Variants in MB21D2 observed in about 807,000 individuals in gnomAD.
MB21D2 encodes the protein nucleotidyltransferase MB21D2.
In MB21D2, 9 loss-of-function variants were observed where a neutral mutation model predicts 33.3. The ratio of observed to expected loss-of-function variants is 0.27; its 90% confidence interval spans 0.16 to 0.47. The LOEUF (loss-of-function observed/expected upper bound fraction) is 0.47, where lower values mean the gene tolerates loss of function less well. Among genes scored for constraint, MB21D2 ranks in the 20% least tolerant of loss-of-function variants. MB21D2 has a pLI of 0.99. For synonymous variants in MB21D2, 241 were observed against 236.3 expected (o/e 1.02, Z -0.18); for missense variants, 540 against 624.6 (o/e 0.86, Z 1.44).
intron 1 of MB21D2, among the ~76,000 whole-genome samples, chr3:192,905,732 C>G (rs1714203100): frequency 6.6e-6 from 1 of 150,592 alleles, no homozygotes; most frequent in Non-Finnish European, 1.5e-5. Context: ...ACTCAGGAGT[C>G]TGAGGTGGGA....
chr3:192,804,789 A>G (rs1193786382), intron 1 of MB21D2, among the ~76,000 whole-genome samples: 1 of 152,134 alleles, frequency 6.6e-6, no homozygotes. Flanking sequence ...TAAACAATAT[A>G]AAACCTTCCT....
At chr3:192,864,591 C>T (rs13100333) in intron 1 of MB21D2, among the ~76,000 whole-genome samples, 2,608 of 152,266 alleles carry the variant, frequency 0.017, 68 homozygotes, top group South Asian at 0.11. Context: ...ACTGCAACCT[C>T]GGCCTCCTGG....
At chr3:192,847,859 T>C (rs563450542) in intron 1 of MB21D2, among the ~76,000 whole-genome samples, 2 of 152,114 alleles carry the variant, frequency 1.3e-5, no homozygotes, top group Non-Finnish European at 1.5e-5. Flanking sequence ...AAAAATATCC[T>C]AGATGAGAAG....
At chr3:192,891,860 GAAAA>G (rs1267148494) in intron 1 of MB21D2, among the ~76,000 whole-genome samples, 2 of 152,014 alleles carry the variant, frequency 1.3e-5, no homozygotes, top group African/African-American at 4.8e-5. Flanking sequence ...CATGAGAAAA[GAAAA>G]ACTCTAAAAG....
rs763751955 is a variant in MB21D2 at position 192,917,610 on chromosome 3, T to TC, written c.211+19dup. On this transcript the variant is annotated intron_variant, in intron 1 of 1. Transcript: ENST00000392452. ...TCACACACACACACGCACACACACCTCCCCCTTTTTCCTCCTTACCCAGCA... is the reference window on the plus strand; with the variant it reads ...TCACACACACACACGCACACACACCTCCCCCCTTTTTCCTCCTTACCCAGCA... The TC allele has an allele frequency of 1.3e-5, 21 of 1,611,510 alleles. No individual in the cohort carries two copies. The East Asian group carries it at 4.5e-4, about 34-fold the overall frequency.
chr3:192,889,165 C>T (rs59046529), intron 1 of MB21D2, among the ~76,000 whole-genome samples: 14,795 of 152,132 alleles, frequency 0.097, 899 homozygotes, highest in East Asian at 0.16. Context: ...CACAAATATA[C>T]AGTTAGTTCA....
At chr3:192,908,831 G>A (rs899802986) in intron 1 of MB21D2, among the ~76,000 whole-genome samples, 1 of 152,100 alleles carries the variant, frequency 6.6e-6, no homozygotes, top group African/African-American at 2.4e-5. Context: ...TGTAGAACCT[G>A]GGACATTTAA....
At chr3:192,801,570 A>G (rs1243314728) in intron 1 of MB21D2, among the ~76,000 whole-genome samples, 1 of 152,108 alleles carries the variant, frequency 6.6e-6, no homozygotes, top group Non-Finnish European at 1.5e-5. Context: ...TGGGATTGGT[A>G]CCCTTATAAA....
chr3:192,826,571 T>C (rs903799222), intron 1 of MB21D2, among the ~76,000 whole-genome samples: 3 of 152,238 alleles, frequency 2.0e-5, no homozygotes, highest in Non-Finnish European at 2.9e-5. Context: ...ATTGTGATTA[T>C]AAAAGGGAAA....
intron 1 of MB21D2, among the ~76,000 whole-genome samples, chr3:192,839,197 C>G (rs9881181): frequency 0.35 from 52,842 of 152,004 alleles, 9,889 homozygotes; most frequent in East Asian, 0.6. Context: ...TACTAGCATG[C>G]TTATAAGCAA....
At chr3:192,838,411 A>G (rs1577178993) in intron 1 of MB21D2, among the ~76,000 whole-genome samples, 1 of 150,330 alleles carries the variant, frequency 6.7e-6, no homozygotes, top group Non-Finnish European at 1.5e-5. Context: ...TGAAGTGAGT[A>G]TTAAATAATC....
At chr3:192,889,123 T>C (rs1317417803) in intron 1 of MB21D2, among the ~76,000 whole-genome samples, 2 of 152,164 alleles carry the variant, frequency 1.3e-5, no homozygotes, top group African/African-American at 4.8e-5. Context: ...AATTAAAATC[T>C]ATTTATGATG....
At chr3:192,833,769 G>A (rs143490324) in intron 1 of MB21D2, among the ~76,000 whole-genome samples, 11 of 152,262 alleles carry the variant, frequency 7.2e-5, no homozygotes, top group African/African-American at 2.4e-4. Context: ...AGTGTTACTC[G>A]CTGTTGTTGC....
In MB21D2 at chr3:192,858,151, A is replaced by G. The variant is rs557512749; in HGVS notation, c.212-58501T>C. Reference sequence around the variant, plus strand: ...AAAAAACAAAACAAAACAAACAAACAAAAAAGTGGCCTTGGAAACCTGTAA... The same window carrying G: ...AAAAAACAAAACAAAACAAACAAACGAAAAAGTGGCCTTGGAAACCTGTAA... On this transcript the variant is annotated intron_variant, in intron 1 of 1. Coordinates refer to ENST00000392452, the MANE Select transcript of MB21D2 (RefSeq NM_178496.4). Among the ~76,000 whole-genome samples, 7 of 152,192 alleles carry G rather than the reference A, an allele frequency of 4.6e-5. No homozygotes were observed. The East Asian group carries it at 1.2e-3, about 25-fold the overall frequency.
chr3:192,883,587 T>C (rs932693804), intron 1 of MB21D2, among the ~76,000 whole-genome samples: 1 of 152,074 alleles, frequency 6.6e-6, no homozygotes, highest in Admixed American at 6.5e-5. Context: ...TCTGAAAGAA[T>C]GGGGAAAAGG....
chr3:192,917,415 G>C (rs1714491786), intron 1 of MB21D2, among the ~76,000 whole-genome samples: 1 of 152,210 alleles, frequency 6.6e-6, no homozygotes, highest in African/African-American at 2.4e-5. Context: ...GGGAAAGGGA[G>C]ACCCGGCGTA....
intron 1 of MB21D2, among the ~76,000 whole-genome samples, chr3:192,825,896 T>C (rs1712164482): frequency 6.6e-6 from 1 of 152,256 alleles, no homozygotes; most frequent in African/African-American, 2.4e-5. Flanking sequence ...TTGGCAGCTG[T>C]GTTCCAATGG....
intron 1 of MB21D2, among the ~76,000 whole-genome samples, chr3:192,860,048 G>T (rs1219492216): frequency 6.6e-6 from 1 of 152,232 alleles, no homozygotes; most frequent in African/African-American, 2.4e-5. Context: ...GACCACCCTG[G>T]TGTCCCCAAA....
At chr3:192,915,653 CA>C (rs1714448407) in intron 1 of MB21D2, among the ~76,000 whole-genome samples, 1 of 152,232 alleles carries the variant, frequency 6.6e-6, no homozygotes, top group South Asian at 2.1e-4. Flanking sequence ...CCTGTCAACA[CA>C]ATGCCACCCA....
Sources: gnomAD v4.1 joint callset for allele counts (sites outside exome capture counted in the v4.1 genomes callset) on GRCh38, gnomAD v4.1.1 for gene constraint, MANE v1.5 for transcripts, NCBI Gene and HGNC (gene_info 2026-07-23, HGNC 2026-07-21) for gene names.